The following PHF3 variants were observed in gnomAD, a reference collection of about 807,000 sequenced individuals.
PHF3 encodes PHD finger protein 3.
A neutral mutation model predicts 178.4 loss-of-function variants in PHF3; 41 were observed. That is an observed-to-expected ratio of 0.23 (90% confidence interval 0.18 to 0.30). The LOEUF (loss-of-function observed/expected upper bound fraction) is 0.30. Among genes scored for constraint, PHF3 ranks in the 10% least tolerant of loss-of-function variants. The pLI is 1.00. For missense variants in PHF3, 2,346 were observed against 2,398.1 expected (o/e 0.98, Z 0.45); for synonymous variants, 842 against 800.5 (o/e 1.05, Z -0.88).
intron 6 of PHF3, among the ~76,000 whole-genome samples, chr6:63,697,132 CAA>C (rs914693634): frequency 5.9e-5 from 9 of 151,898 alleles, no homozygotes; most frequent in South Asian, 2.1e-4. Context: ...CTCGGGAAGA[CAA>C]GAGGGGATGG....
intron 3 of PHF3, among the ~76,000 whole-genome samples, chr6:63,683,776 G>A (rs1423530059): frequency 6.6e-6 from 1 of 151,930 alleles, no homozygotes; most frequent in Admixed American, 6.6e-5. Flanking sequence ...TTTAATATGG[G>A]CATTAATGGT....
At chr6:63,689,019 T>C (rs1187089815) in intron 4 of PHF3, among the ~76,000 whole-genome samples, 1 of 152,226 alleles carries the variant, frequency 6.6e-6, no homozygotes, top group Non-Finnish European at 1.5e-5. Flanking sequence ...GTGTCATGGC[T>C]AGATGTGATA....
chr6:63,672,599 T>TC (rs1765966455), intron 2 of PHF3, among the ~76,000 whole-genome samples: 1 of 152,390 alleles, frequency 6.6e-6, no homozygotes, highest in Admixed American at 6.5e-5. Context: ...TGGTTAGGTT[T>TC]CTACTGCTCT....
chr6:63,700,347 C>T lies in PHF3; in HGVS notation c.2983-3C>T. 1 of 1,407,552 alleles carries T rather than the reference C, an allele frequency of 7.1e-7. No homozygotes were observed. Among genetic ancestry groups the T allele is most frequent in the South Asian group, 1.2e-5 (1 of 80,958 alleles). 87.2% of individuals were successfully genotyped at this position (1,407,552 alleles called of 1,614,324 possible). ...TTCTATTCCTATTTTAAAATCCTTC[C>T]AGATATTATTTAAAAAAGTACTGAA... On this transcript the variant is annotated splice_polypyrimidine_tract_variant and splice_region_variant and intron_variant, in intron 8 of 15. Coordinates refer to ENST00000262043, the MANE Select transcript of PHF3 (RefSeq NM_001370348.2).
At chr6:63,672,088 G>T (rs1348010030) in intron 2 of PHF3, among the ~76,000 whole-genome samples, 3 of 152,128 alleles carry the variant, frequency 2.0e-5, no homozygotes, top group Non-Finnish European at 4.4e-5. Context: ...TCGTCTGTCC[G>T]CCTCAGCCTC....
Position 63,635,849 on chromosome 6 carries a change from G to C in PHF3, c.-327G>C, listed in dbSNP as rs2149530101. ...CCTCTCCAGCTCCCGCGCCGCCGCC[G>C]CACGCCGATGGCTGCGGGGTCTCGC... On this transcript the variant is annotated 5_prime_UTR_variant, in exon 1 of 16. Coordinates refer to ENST00000262043, the MANE Select transcript of PHF3 (RefSeq NM_001370348.2). 2.5e-6 allele frequency: 1 copy of C among 396,580 alleles called. No individual in the cohort carries two copies. Among genetic ancestry groups the C allele is most frequent in the East Asian group, 3.6e-5 (1 of 27,970 alleles). The allele number at this position is 396,580 out of a possible 1,614,324, so 24.6% of individuals were successfully genotyped here. A position where few individuals can be genotyped will look rare whatever the true frequency, so the allele number is the denominator to read the frequency against.
Position 63,712,790 on chromosome 6 carries a change from A to G in PHF3, c.5202A>G (p.Glu1734=), listed in dbSNP as rs370640223. 1.2e-6 allele frequency: 2 copies of G among 1,613,904 alleles called. No homozygotes were observed. The highest frequency in any genetic ancestry group is 2.2e-5 in the East Asian group (1 of 44,864). ...AAAACATACAGACTTCTCAAGCAGA[A>G]CAAGCAAAACCCTTACAGGAGGATA... ...SVENIQTSQA[E]QAKPLQEDIL... is the part of the protein sequence containing the mutation. The change falls in exon 16 of 16, where the codon GAA becomes GAG. Residue 1734 remains glutamate (E), a synonymous_variant. Coordinates refer to ENST00000262043, the MANE Select transcript of PHF3 (RefSeq NM_001370348.2).
chr6:63,665,007 A>C (rs190321136), intron 2 of PHF3, among the ~76,000 whole-genome samples: 114 of 152,288 alleles, frequency 7.5e-4, no homozygotes, highest in Middle Eastern at 3.4e-3. Flanking sequence ...GGTTACATTA[A>C]ATAATTATTA....
intron 2 of PHF3, among the ~76,000 whole-genome samples, chr6:63,659,377 C>G (rs560393248): frequency 3.3e-5 from 5 of 152,222 alleles, no homozygotes; most frequent in East Asian, 3.9e-4. Context: ...TAGTGTTAAT[C>G]TTAGGATTTT....
rs368163795 is a variant in PHF3 at position 63,685,532 on chromosome 6, C to T, written c.1810C>T (p.Pro604Ser). Reference protein sequence around the residue: ...HSLSDKSHAHPGCLKEPHHPA... With the variant: ...HSLSDKSHAHSGCLKEPHHPA... Reference sequence around the variant, plus strand: ...TTTGAGTGATAAGTCACACGCTCATCCTGGTTGCTTGAAAGAACCTCATCA... The same window carrying T: ...TTTGAGTGATAAGTCACACGCTCATTCTGGTTGCTTGAAAGAACCTCATCA... Residue 604 changes from proline (P) to serine (S), a missense_variant, in exon 4 of 16, where the codon CCT (proline) becomes TCT (serine). Pro to Ser is a moderately conservative substitution (Grantham distance 74). This residue lies in a region of PHF3 where 843 missense variants were observed against 795.2 expected (regional missense o/e 1.06). Coordinates refer to ENST00000262043, the MANE Select transcript of PHF3 (RefSeq NM_001370348.2). 9.3e-6 allele frequency: 15 copies of T among 1,614,014 alleles called. No individual in the cohort carries two copies. The highest frequency in any genetic ancestry group is 1.3e-5 in the Non-Finnish European group (15 of 1,180,030).
chr6:63,648,822 A>G (rs1031378949), intron 2 of PHF3, among the ~76,000 whole-genome samples: 2 of 152,228 alleles, frequency 1.3e-5, no homozygotes, highest in Admixed American at 1.3e-4. Flanking sequence ...GTATTGGTAT[A>G]TGTATAGTGT....
Position 63,685,411 on chromosome 6 carries a change from T to C in PHF3, c.1689T>C (p.Ser563=). 7 of 1,614,026 alleles carry C rather than the reference T, an allele frequency of 4.3e-6. No individual in the cohort carries two copies. Among genetic ancestry groups the C allele is most frequent in the Non-Finnish European group, 5.9e-6 (7 of 1,179,984 alleles). Reference sequence around the variant, plus strand: ...AGCCAAAGATTCAGAGTTGCAATTCTGGGGTTAAATCTGTGAAAAACCAAG... The same window carrying C: ...AGCCAAAGATTCAGAGTTGCAATTCCGGGGTTAAATCTGTGAAAAACCAAG... ...DKEPKIQSCN[S]GVKSVKNQAH... Residue 563 remains serine, a synonymous_variant, in exon 4 of 16, where the codon TCT becomes TCC. Transcript: ENST00000262043.
intron 2 of PHF3, among the ~76,000 whole-genome samples, chr6:63,652,513 C>G (rs1765060960): frequency 6.6e-6 from 1 of 152,040 alleles, no homozygotes; most frequent in Non-Finnish European, 1.5e-5. Flanking sequence ...TTTATTGTTT[C>G]CTTTGCTGTC....
Position 63,691,775 on chromosome 6 carries a change from A to G in PHF3, c.2228A>G (p.His743Arg). The part of the protein sequence containing the change: ...VGCGRCDDWF[H>R]GDCVGLSLSQ... Reference sequence around the variant, plus strand: ...TGTGGGAGATGTGATGACTGGTTTCATGGTGATTGTGTTGGGTTAAGTCTT... The same window carrying G: ...TGTGGGAGATGTGATGACTGGTTTCGTGGTGATTGTGTTGGGTTAAGTCTT... Residue 743 changes from histidine to arginine, a missense_variant, in exon 5 of 16, where the codon CAT (histidine) becomes CGT (arginine). By Grantham distance (29) the His-to-Arg change is conservative. Transcript: ENST00000262043. The G allele has an allele frequency of 6.2e-7, 1 of 1,613,142 alleles. No homozygotes were observed. The highest frequency in any genetic ancestry group is 8.5e-7 in the Non-Finnish European group (1 of 1,179,496).
At position 63,714,284 on chromosome 6, in the gene PHF3, A is replaced by G. The variant is rs1014490629; in HGVS notation, c.*576A>G. The G allele has an allele frequency of 1.3e-5, 2 of 152,598 alleles. No homozygotes were observed. Among genetic ancestry groups the G allele is most frequent in the African/African-American group, 4.8e-5 (2 of 41,438 alleles). The allele number at this position is 152,598 out of a possible 1,614,324, so 9.5% of individuals were successfully genotyped here. A position where few individuals can be genotyped will look rare whatever the true frequency, so the allele number is the denominator to read the frequency against. On this transcript the variant is annotated 3_prime_UTR_variant, in exon 16 of 16. Transcript: ENST00000262043. ...ACTCATTGAAGTCATTTATTACCAT[A>G]TACTACAGCTTTGTGGTAGGCCATT...
intron 1 of PHF3, among the ~76,000 whole-genome samples, chr6:63,640,174 G>A (rs1378082549): frequency 6.6e-6 from 1 of 152,210 alleles, no homozygotes; most frequent in Admixed American, 6.5e-5. Flanking sequence ...AAGTGGGGGT[G>A]TAGAGTAGAT....
intron 11 of PHF3, among the ~76,000 whole-genome samples, chr6:63,705,603 C>A (rs571535067): frequency 1.5e-3 from 224 of 152,314 alleles, no homozygotes; most frequent in African/African-American, 4.7e-3. Flanking sequence ...TCCCACCGTC[C>A]ATGGGAAAAT....
At chr6:63,646,120 A>G (rs1031293914) in intron 1 of PHF3, among the ~76,000 whole-genome samples, 1 of 152,156 alleles carries the variant, frequency 6.6e-6, no homozygotes, top group Non-Finnish European at 1.5e-5. Flanking sequence ...TAGCTCTTTT[A>G]TGTGGACTTA....
chr6:63,679,359 G>T (rs1289839579), intron 2 of PHF3, among the ~76,000 whole-genome samples: 1 of 151,880 alleles, frequency 6.6e-6, no homozygotes, highest in Admixed American at 6.6e-5. Flanking sequence ...TCTCTCTTTT[G>T]ACTAGGAGAA....
Sources: allele counts gnomAD v4.1 joint callset (sites outside exome capture counted in the v4.1 genomes callset), GRCh38; gene constraint gnomAD v4.1.1; regional missense constraint gnomAD v4.1.1; transcripts MANE v1.5; gene names NCBI Gene and HGNC (gene_info 2026-07-23, HGNC 2026-07-21).